Variants in UNC5D observed in about 807,000 individuals in gnomAD.
UNC5D encodes the protein netrin receptor UNC5D.
Under a neutral mutation model 105.4 loss-of-function variants are expected in UNC5D, and 39 were observed. The ratio of observed to expected loss-of-function variants is 0.37; its 90% CI spans 0.29 to 0.48. The LOEUF is 0.48. Ranked by LOEUF, UNC5D falls within the 20% of genes least tolerant of loss-of-function variation. The probability of loss-of-function intolerance (pLI) is 0.98; values close to 1 mark genes in which losing one functional copy is unlikely to be tolerated. For synonymous variants in UNC5D, 452 were observed against 450.4 expected (o/e 1.00, Z -0.04); for missense variants, 991 against 1,202.4 (o/e 0.82, Z 2.60).
chr8:35,337,237 C>T (rs1274503059), intron 1 of UNC5D, among the ~76,000 whole-genome samples: 1 of 152,146 alleles, frequency 6.6e-6, no homozygotes, highest in Non-Finnish European at 1.5e-5. Context: ...TTCCCAATAT[C>T]ACTCCCTACT....
Position 35,791,361 on chromosome 8 carries a change from A to G in UNC5D, c.*798A>G, listed in dbSNP as rs1803033612. 1 of 152,284 alleles carries G rather than the reference A, an allele frequency of 6.6e-6. No individual in the cohort carries two copies. The highest frequency in any genetic ancestry group is 2.4e-5 in the African/African-American group (1 of 41,450). 9.4% of individuals were successfully genotyped at this position (152,284 alleles called of 1,614,324 possible). A position where few individuals can be genotyped will look rare whatever the true frequency, so the allele number is the denominator to read the frequency against. On this transcript the variant is annotated 3_prime_UTR_variant, in exon 17 of 17. Transcript: ENST00000404895. ...AGTGGGACCATCTCTATTCCCATCT[A>G]AGCCACTCAAATTGCTGAGTGCTAT...
chr8:35,643,445 T>C (rs1257777806), intron 4 of UNC5D, among the ~76,000 whole-genome samples: 1 of 152,164 alleles, frequency 6.6e-6, no homozygotes, highest in Non-Finnish European at 1.5e-5. Context: ...GCCTCCTGAG[T>C]AGCTGGGACT....
At chr8:35,777,615 C>T (rs529248767) in intron 16 of UNC5D, among the ~76,000 whole-genome samples, 1 of 152,288 alleles carries the variant, frequency 6.6e-6, no homozygotes, top group South Asian at 2.1e-4. Flanking sequence ...CATATGGGAT[C>T]TGTCACAACT....
chr8:35,445,793 G>T (rs530296798), intron 1 of UNC5D, among the ~76,000 whole-genome samples: 1 of 152,040 alleles, frequency 6.6e-6, no homozygotes, highest in South Asian at 2.1e-4. Context: ...GAAATGCACA[G>T]CTTTCAATTC....
At chr8:35,714,365 C>T (rs1344209630) in intron 8 of UNC5D, among the ~76,000 whole-genome samples, 1 of 152,124 alleles carries the variant, frequency 6.6e-6, no homozygotes, top group Non-Finnish European at 1.5e-5. Context: ...TGGTTTTGCC[C>T]AGCGAGCAGG....
At chr8:35,295,998 A>G (rs1367730118) in intron 1 of UNC5D, among the ~76,000 whole-genome samples, 1 of 152,176 alleles carries the variant, frequency 6.6e-6, no homozygotes. Context: ...CACAAATGGC[A>G]GGATTTCTTG....
At chr8:35,780,827 TA>T (rs1450100595) in intron 16 of UNC5D, among the ~76,000 whole-genome samples, 3 of 152,222 alleles carry the variant, frequency 2.0e-5, no homozygotes, top group Admixed American at 6.5e-5. Flanking sequence ...TGTCCTGTTT[TA>T]AGTAGTACTG....
chr8:35,476,751 T>C (rs900556822), intron 1 of UNC5D, among the ~76,000 whole-genome samples: 1 of 152,212 alleles, frequency 6.6e-6, no homozygotes, highest in Non-Finnish European at 1.5e-5. Context: ...TTACCATCTA[T>C]GGCAGTTCAA....
At chr8:35,400,365 T>C (rs1044881290) in intron 1 of UNC5D, among the ~76,000 whole-genome samples, 3 of 152,156 alleles carry the variant, frequency 2.0e-5, no homozygotes, top group African/African-American at 7.2e-5. Context: ...ATGTTATTAA[T>C]TCAGTATCTG....
chr8:35,762,616 G>A (rs1159195197), intron 14 of UNC5D, among the ~76,000 whole-genome samples: 1 of 152,160 alleles, frequency 6.6e-6, no homozygotes, highest in Non-Finnish European at 1.5e-5. Flanking sequence ...TTCTCTGGGA[G>A]GTAAATAATT....
At chr8:35,602,564 T>C (rs957162945) in intron 4 of UNC5D, among the ~76,000 whole-genome samples, 2 of 152,228 alleles carry the variant, frequency 1.3e-5, no homozygotes, top group African/African-American at 4.8e-5. Flanking sequence ...CCATTTCTTC[T>C]AGATTTTCTA....
intron 10 of UNC5D, 125 bp from the exon 11 acceptor site, chr8:35,730,887 T>G: frequency 1.3e-6 from 1 of 765,094 alleles, no homozygotes; most frequent in Non-Finnish European, 2.1e-6. Flanking sequence ...TTTCCAAGGA[T>G]TGAGATTTCA....
rs997055558 is a variant in UNC5D at position 35,414,027 on chromosome 8, GTGTTTGTTTT to G, written c.104-135249_104-135240del. ...ACTGGAATGGGACCCAAATCCTGAT[GTGTTTGTTTT>G]TGTTTGTTTTTGTTTCTGAAGCTCT... On this transcript the variant is annotated intron_variant, in intron 1 of 16. Coordinates refer to ENST00000404895, the MANE Select transcript of UNC5D (RefSeq NM_080872.4). 1.5e-4 allele frequency among the ~76,000 whole-genome samples: 23 copies of G among 152,190 alleles called. No individual in the cohort carries two copies. The South Asian group carries it at 3.7e-3, about 25-fold the overall frequency.
chr8:35,606,602 A>G (rs996325006), intron 4 of UNC5D, among the ~76,000 whole-genome samples: 19 of 152,004 alleles, frequency 1.2e-4, no homozygotes, highest in African/African-American at 4.1e-4. Context: ...GTAGACCCCA[A>G]TGTCTATCAT....
At chr8:35,486,890 G>T (rs1810856429) in intron 1 of UNC5D, among the ~76,000 whole-genome samples, 1 of 152,124 alleles carries the variant, frequency 6.6e-6, no homozygotes, top group Non-Finnish European at 1.5e-5. Flanking sequence ...GCTAGGAGAT[G>T]AGAACTGGCT....
chr8:35,380,017 C>T (rs1308679951), intron 1 of UNC5D, among the ~76,000 whole-genome samples: 1 of 138,272 alleles, frequency 7.2e-6, no homozygotes, highest in Non-Finnish European at 1.5e-5. Flanking sequence ...ATAAAGGCCC[C>T]AGCAAGCTAG....
chr8:35,498,172 G>T (rs1811734224), intron 1 of UNC5D, among the ~76,000 whole-genome samples: 1 of 150,274 alleles, frequency 6.7e-6, no homozygotes, highest in African/African-American at 2.5e-5. Context: ...ACTGTTAAAG[G>T]TCATATCTGT....
At chr8:35,340,055 T>G (rs552983763) in intron 1 of UNC5D, among the ~76,000 whole-genome samples, 4 of 152,302 alleles carry the variant, frequency 2.6e-5, no homozygotes, top group African/African-American at 9.6e-5. Flanking sequence ...ATCTCACTGC[T>G]CTAAAATTAT....
intron 1 of UNC5D, among the ~76,000 whole-genome samples, chr8:35,465,318 GC>G (rs998815903): frequency 6.6e-6 from 1 of 152,170 alleles, no homozygotes; most frequent in African/African-American, 2.4e-5. Context: ...CATGTGCCTG[GC>G]ATGTCAAGGC....
Sources: allele counts gnomAD v4.1 joint callset (sites outside exome capture counted in the v4.1 genomes callset), GRCh38; gene constraint gnomAD v4.1.1; transcripts MANE v1.5; gene names NCBI Gene and HGNC (gene_info 2026-07-23, HGNC 2026-07-21).